The following SLC24A3 variants were observed in gnomAD, a reference collection of about 807,000 sequenced individuals.
SLC24A3 encodes sodium/potassium/calcium exchanger 3.
In SLC24A3, 28 loss-of-function variants were observed where a neutral mutation model predicts 75.8. The ratio of observed to expected loss-of-function variants is 0.37; its 90% CI spans 0.27 to 0.51. SLC24A3 has a LOEUF of 0.51. Among genes scored for constraint, SLC24A3 ranks in the 20% least tolerant of loss-of-function variants. The pLI, the probability that SLC24A3 is intolerant of heterozygous loss-of-function variation, is 0.94. For synonymous variants in SLC24A3, 372 were observed against 334.1 expected, an observed-to-expected ratio of 1.11 and a Z score of -1.24; for missense variants, 663 against 847.8, an observed-to-expected ratio of 0.78 and a Z score of 2.71.
chr20:19,719,978 G>T (rs1209520297), intron 16 of SLC24A3, among the ~76,000 whole-genome samples: 2 of 152,214 alleles, frequency 1.3e-5, no homozygotes, highest in Non-Finnish European at 2.9e-5. Context: ...CATTTGCAGA[G>T]TTGTGGGAGC....
intron 13 of SLC24A3, chr20:19,695,658 A>G (rs1223007975): frequency 6.6e-6 from 1 of 152,050 alleles, no homozygotes; most frequent in East Asian, 1.9e-4. Context: ...CTCGTCACCC[A>G]CCCCACTTCA....
At chr20:19,505,103 G>C (rs186016984) in intron 2 of SLC24A3, among the ~76,000 whole-genome samples, 2 of 152,232 alleles carry the variant, frequency 1.3e-5, no homozygotes, top group Non-Finnish European at 2.9e-5. Context: ...GGGTTCTTTA[G>C]TTCCAAAGAA....
At chr20:19,719,911 C>T (rs140727858) in intron 16 of SLC24A3, among the ~76,000 whole-genome samples, 126 of 152,200 alleles carry the variant, frequency 8.3e-4, no homozygotes, top group African/African-American at 3.0e-3. Context: ...AGGAAACGGG[C>T]AAAGTGGGTG....
chr20:19,226,886 G>T (rs1165459549), intron 1 of SLC24A3, among the ~76,000 whole-genome samples: 2 of 152,104 alleles, frequency 1.3e-5, no homozygotes, highest in African/African-American at 4.8e-5. Context: ...TTTATTCAGG[G>T]TTCCATTTGA....
chr20:19,470,955 A>G lies in SLC24A3; in HGVS notation c.272-44533A>G, dbSNP rs147261867. Among the ~76,000 whole-genome samples, 326 of 152,270 alleles carry G rather than the reference A, an allele frequency of 2.1e-3. 2 individuals are homozygous for G. The highest frequency in any genetic ancestry group is 7.5e-3 in the African/African-American group (310 of 41,550). On this transcript the variant is annotated intron_variant, in intron 2 of 16. Coordinates refer to ENST00000328041, the MANE Select transcript of SLC24A3 (RefSeq NM_020689.4). Reference sequence around the variant, plus strand: ...TTCGAAGCAGGATAGATTTCTCCTAAAAGAAGGCATCAGGAGGGCCTCAGA... The same window carrying G: ...TTCGAAGCAGGATAGATTTCTCCTAGAAGAAGGCATCAGGAGGGCCTCAGA...
At chr20:19,626,850 A>G (rs1409974530) in intron 6 of SLC24A3, among the ~76,000 whole-genome samples, 1 of 152,222 alleles carries the variant, frequency 6.6e-6, no homozygotes, top group African/African-American at 2.4e-5. Context: ...TACCTATTTG[A>G]TCATTCCTCA....
At chr20:19,540,769 G>A (rs1477275794) in intron 3 of SLC24A3, among the ~76,000 whole-genome samples, 1 of 152,222 alleles carries the variant, frequency 6.6e-6, no homozygotes, top group East Asian at 1.9e-4. Flanking sequence ...CAATGGAAAG[G>A]GAAGTCGAGA....
At chr20:19,654,040 C>G in intron 6 of SLC24A3, 22 bp from the exon 7 acceptor site, 1 of 1,599,668 alleles carries the variant, frequency 6.3e-7, no homozygotes, top group Non-Finnish European at 8.6e-7. Context: ...TCCTGTTTGA[C>G]TTTGTTTCCC....
intron 2 of SLC24A3, among the ~76,000 whole-genome samples, chr20:19,361,912 A>C (rs1301829010): frequency 1.3e-5 from 2 of 152,202 alleles, no homozygotes; most frequent in Non-Finnish European, 2.9e-5. Context: ...AAAACTAACA[A>C]GTTCAGCCTT....
intron 1 of SLC24A3, among the ~76,000 whole-genome samples, chr20:19,220,625 G>A (rs1547100): frequency 0.68 from 103,601 of 152,110 alleles, 35,362 homozygotes; most frequent in East Asian, 0.81. Context: ...GAAAGTCAAG[G>A]TGATAAGCAT....
At chr20:19,321,166 A>G (rs999588638) in intron 2 of SLC24A3, among the ~76,000 whole-genome samples, 5 of 152,164 alleles carry the variant, frequency 3.3e-5, no homozygotes, top group African/African-American at 9.7e-5. Flanking sequence ...GAAAGACATC[A>G]TGACTCTTTG....
At chr20:19,346,098 TATATATATATGG>T (rs1275614642) in intron 2 of SLC24A3, among the ~76,000 whole-genome samples, 1 of 72,478 alleles carries the variant, frequency 1.4e-5, no homozygotes, top group African/African-American at 1.1e-4. Context: ...TATATATATA[TATATATATATGG>T]TGTGTGTGTG....
chr20:19,432,514 C>T lies in SLC24A3; in HGVS notation c.272-82974C>T, dbSNP rs529528717. ...AGATGACCCCATGGAGAATTCCAAGCTGACGTCTACCACTCTCTGCCTATC... is the reference window on the plus strand; with the variant it reads ...AGATGACCCCATGGAGAATTCCAAGTTGACGTCTACCACTCTCTGCCTATC... On this transcript the variant is annotated intron_variant, in intron 2 of 16. Coordinates refer to ENST00000328041, the MANE Select transcript of SLC24A3 (RefSeq NM_020689.4). 8.5e-5 allele frequency among the ~76,000 whole-genome samples: 13 copies of T among 152,202 alleles called. No individual in the cohort carries two copies. The East Asian group carries it at 2.5e-3, about 29-fold the overall frequency.
intron 6 of SLC24A3, among the ~76,000 whole-genome samples, chr20:19,615,607 C>T (rs7263338): frequency 0.041 from 6,245 of 152,270 alleles, 415 homozygotes; most frequent in African/African-American, 0.14. Context: ...CAGCACCAAA[C>T]GGATGATGCT....
intron 6 of SLC24A3, among the ~76,000 whole-genome samples, chr20:19,648,901 G>A (rs2032168310): frequency 6.6e-6 from 1 of 152,204 alleles, no homozygotes; most frequent in Admixed American, 6.5e-5. Context: ...GATTCCTAAA[G>A]CTATAGGGGG....
At chr20:19,518,029 G>A (rs1048100172) in intron 3 of SLC24A3, among the ~76,000 whole-genome samples, 1 of 152,210 alleles carries the variant, frequency 6.6e-6, no homozygotes, top group African/African-American at 2.4e-5. Flanking sequence ...TGAATGCCTG[G>A]AGTTGGACAG....
At chr20:19,581,339 T>C (rs2031215797) in intron 4 of SLC24A3, among the ~76,000 whole-genome samples, 1 of 152,162 alleles carries the variant, frequency 6.6e-6, no homozygotes, top group Admixed American at 6.5e-5. Context: ...GCAAAACAAC[T>C]CTCTCTCTTT....
chr20:19,434,221 A>G (rs1249781737), intron 2 of SLC24A3, among the ~76,000 whole-genome samples: 2 of 152,246 alleles, frequency 1.3e-5, no homozygotes, highest in Admixed American at 1.3e-4. Context: ...TTTCATGGGC[A>G]GTAAAACCAA....
At chr20:19,681,728 A>T in intron 9 of SLC24A3, 130 bp from the exon 10 acceptor site, 1 of 1,418,114 alleles carries the variant, frequency 7.1e-7, no homozygotes, top group Non-Finnish European at 9.7e-7. Flanking sequence ...AGAAAATTAG[A>T]ACACTAATAA....
Sources: gnomAD v4.1 joint callset for allele counts (sites outside exome capture counted in the v4.1 genomes callset) on GRCh38, gnomAD v4.1.1 for gene constraint, MANE v1.5 for transcripts, NCBI Gene and HGNC (gene_info 2026-07-23, HGNC 2026-07-21) for gene names.